Variants in OXNAD1 observed in about 807,000 individuals in gnomAD.
The protein encoded by OXNAD1 is oxidoreductase NAD-binding domain-containing protein 1.
A neutral mutation model predicts 32.9 loss-of-function variants in OXNAD1; 34 were observed. That is an observed-to-expected ratio of 1.03 (90% CI 0.79 to 1.38). The LOEUF (loss-of-function observed/expected upper bound fraction) is 1.38, where lower values mean the gene tolerates loss of function less well. Ranked by LOEUF, OXNAD1 falls within the 40% of genes most tolerant of loss-of-function variation. The pLI, the probability that OXNAD1 is intolerant of heterozygous loss-of-function variation, is 0.00. For missense variants in OXNAD1, 407 were observed against 379.4 expected (o/e 1.07, Z -0.60); for synonymous variants, 134 against 135.2 (o/e 0.99, Z 0.06).
At chr3:16,266,364 T>C (rs2064499885) in intron 1 of OXNAD1, among the ~76,000 whole-genome samples, 1 of 152,060 alleles carries the variant, frequency 6.6e-6, no homozygotes, top group African/African-American at 2.4e-5. Context: ...AAACTTTACA[T>C]TTATTCCTAA....
rs556998425 is a variant in OXNAD1, at chr3:16,344,842, T to C, written c.*31-4334T>C. On this transcript the variant is annotated intron_variant, in intron 9 of 9. Coordinates refer to the OXNAD1 transcript ENST00000606098. The surrounding 1 kb of genome is among the most constrained non-coding windows in gnomAD (Gnocchi z 4.4). ...ATTTCAAAGAACATATTTCAAGGAG[T>C]GGTAGTGAGTGAACACATAACTACA... 2.0e-5 allele frequency among the ~76,000 whole-genome samples: 3 copies of C among 152,032 alleles called. No homozygotes were observed. Among genetic ancestry groups the C allele is most frequent in the African/African-American group, 4.8e-5 (2 of 41,456 alleles).
chr3:16,302,773 CTA>C lies in OXNAD1; in HGVS notation c.784+27_784+28del. 6.5e-7 allele frequency: 1 copy of C among 1,536,198 alleles called. No homozygotes were observed. The highest frequency in any genetic ancestry group is 1.4e-5 in the African/African-American group (1 of 73,236). On this transcript the variant is annotated intron_variant, in intron 8 of 8. Transcript: ENST00000285083. This position sits in a 1 kb window ranked among gnomAD's most constrained non-coding sequence, Gnocchi z 4.2. Reference sequence around the variant, plus strand: ...GGTGAGTCCCCTAAAGATATTTTGACTATCTCCATGCAGTTATTTGATGGACA... The same window carrying C: ...GGTGAGTCCCCTAAAGATATTTTGACTCTCCATGCAGTTATTTGATGGACA...
At position 16,290,246 on chromosome 3, in the gene OXNAD1, C is replaced by T. The variant is rs1202607412; in HGVS notation, c.290+3798C>T. 6.6e-6 allele frequency among the ~76,000 whole-genome samples: 1 copy of T among 152,166 alleles called. No individual in the cohort carries two copies. Among genetic ancestry groups the T allele is most frequent in the Non-Finnish European group, 1.5e-5 (1 of 68,020 alleles). On this transcript the variant is annotated intron_variant, in intron 5 of 8. Transcript: ENST00000285083. This position sits in a 1 kb window ranked among gnomAD's most constrained non-coding sequence, Gnocchi z 4.2. ...AACTCATGGCTCCAAGAGTGCTCAT[C>T]CTGCAAAGGACATTTTTAAAGGTGT...
intron 9 of OXNAD1, among the ~76,000 whole-genome samples, chr3:16,333,833 T>C (rs756392027): frequency 1.3e-4 from 20 of 152,144 alleles, no homozygotes; most frequent in Non-Finnish European, 2.6e-4. Flanking sequence ...ACCCACTAAG[T>C]GCATGAGAGA....
At position 16,271,652 on chromosome 3, in the gene OXNAD1, A is replaced by G. The variant is rs922229497; in HGVS notation, c.120-7A>G. Reference sequence around the variant, plus strand: ...ATGTAATAACCTAATTTTACTTTCTATTAAAGCATAATGAAATCCAAAAGG... The same window carrying G: ...ATGTAATAACCTAATTTTACTTTCTGTTAAAGCATAATGAAATCCAAAAGG... On this transcript the variant is annotated splice_polypyrimidine_tract_variant and splice_region_variant and intron_variant, in intron 3 of 8. Coordinates refer to ENST00000285083, the MANE Select transcript of OXNAD1 (RefSeq NM_138381.5). This position sits in a 1 kb window ranked among gnomAD's most constrained non-coding sequence, Gnocchi z 4.6. 15 of 1,585,208 alleles carry G rather than the reference A, an allele frequency of 9.5e-6. No homozygotes were observed. The highest frequency in any genetic ancestry group is 1.9e-5 in the Admixed American group (1 of 51,832).
intron 9 of OXNAD1, among the ~76,000 whole-genome samples, chr3:16,325,537 A>G (rs2069604812): frequency 6.6e-6 from 1 of 152,224 alleles, no homozygotes; most frequent in African/African-American, 2.4e-5. Context: ...CACTTGACCA[A>G]CATGACACAG....
At chr3:16,275,683 ATTAACTACGGG>A (rs2065269322) in intron 4 of OXNAD1, 1 of 177,536 alleles carries the variant, frequency 5.6e-6, no homozygotes, top group Non-Finnish European at 1.3e-5. Flanking sequence ...ATATAAAAGA[ATTAACTACGGG>A]TTTAGAAAAA....
rs1468284562 is a variant in OXNAD1, at chr3:16,348,255, G to A, written c.*31-921G>A. On this transcript the variant is annotated intron_variant, in intron 9 of 9. Coordinates refer to the OXNAD1 transcript ENST00000606098. This position sits in a 1 kb window ranked among gnomAD's most constrained non-coding sequence, Gnocchi z 6.3. ...GGTAAAAAGGAAGCCGAGGCATCTA[G>A]ATCACTGACATTATCCATAATCAGA... Among the ~76,000 whole-genome samples the A allele has an allele frequency of 6.6e-6, 1 of 152,062 alleles. No individual in the cohort carries two copies. Among genetic ancestry groups the A allele is most frequent in the African/African-American group, 2.4e-5 (1 of 41,382 alleles).
Position 16,327,478 on chromosome 3 carries a change from G to A in OXNAD1, c.*31-9634G>A, listed in dbSNP as rs190222337. Among the ~76,000 whole-genome samples the A allele has an allele frequency of 6.9e-4, 105 of 152,286 alleles. 1 individual carries two copies. The highest frequency in any genetic ancestry group is 2.5e-4 in the Non-Finnish European group (17 of 68,026). On this transcript the variant is annotated intron_variant, in intron 9 of 9. Transcript: ENST00000435829. This position sits in a 1 kb window ranked among gnomAD's most constrained non-coding sequence, Gnocchi z 4.2. ...TCTTTCAGTTAAAAAACTCAGCCCC[G>A]GCCGGGTGCTGTGGCTCACGTCTGT...
Position 16,317,007 on chromosome 3 carries a change from G to A in OXNAD1, c.*30+13415G>A, listed in dbSNP as rs1458826598. ...CCACACAGCAGGCCACCAGGGGACA[G>A]CTGTTCTCCCTTGTCCTCTTGGACA... On this transcript the variant is annotated intron_variant, in intron 9 of 9. Coordinates refer to the OXNAD1 transcript ENST00000435829. The surrounding 1 kb of genome is among the most constrained non-coding windows in gnomAD (Gnocchi z 4.3). 1.2e-6 allele frequency: 2 copies of A among 1,614,024 alleles called. No individual in the cohort carries two copies. Among genetic ancestry groups the A allele is most frequent in the Non-Finnish European group, 8.5e-7 (1 of 1,180,018 alleles).
At chr3:16,324,735 C>T (rs1178619280) in intron 9 of OXNAD1, among the ~76,000 whole-genome samples, 1 of 143,572 alleles carries the variant, frequency 7.0e-6, no homozygotes, top group Non-Finnish European at 1.5e-5. Flanking sequence ...TGAGGGACAC[C>T]TAAGTTGTTT....
At chr3:16,341,033 G>T (rs1487042251), downstream of OXNAD1, among the ~76,000 whole-genome samples, 1 of 152,180 alleles carries the variant, frequency 6.6e-6, no homozygotes, top group Non-Finnish European at 1.5e-5. This position sits in a 1 kb window ranked among gnomAD's most constrained non-coding sequence, Gnocchi z 4.7. Flanking sequence ...AGATATGCAG[G>T]TAGCAAATAA....
In OXNAD1 at chr3:16,271,778, A is replaced by G; in HGVS notation, c.183+56A>G. ...CCAGCTAGACCGTTTACATGTGGTT[A>G]TGACTGGCTTATGGGTAAAGCATTA... On this transcript the variant is annotated intron_variant, in intron 4 of 8. Transcript: ENST00000285083. The surrounding 1 kb of genome is among the most constrained non-coding windows in gnomAD (Gnocchi z 4.6). The G allele has an allele frequency of 6.9e-7, 1 of 1,455,352 alleles. No individual in the cohort carries two copies. Among genetic ancestry groups the G allele is most frequent in the South Asian group, 1.2e-5 (1 of 80,948 alleles). The allele number at this position is 1,455,352 out of a possible 1,614,324, so 90.2% of individuals were successfully genotyped here. A position where few individuals can be genotyped will look rare whatever the true frequency, so the allele number is the denominator to read the frequency against.
chr3:16,310,637 G>A (rs187307581), downstream of OXNAD1, among the ~76,000 whole-genome samples: 1 of 152,036 alleles, frequency 6.6e-6, no homozygotes, highest in Non-Finnish European at 1.5e-5. Context: ...TGACAACCAG[G>A]GTGGTTCTCC....
chr3:16,335,402 T>G lies in OXNAD1; in HGVS notation c.*31-1710T>G, dbSNP rs2070748642. On this transcript the variant is annotated intron_variant, in intron 9 of 9. Transcript: ENST00000435829. This position sits in a 1 kb window ranked among gnomAD's most constrained non-coding sequence, Gnocchi z 4.7. ...TAAGAAGGGAGTTTGTACCACATTT[T>G]CTTTATCCAGTCCATAATGCTATGC... is the stretch of plus-strand genomic sequence containing the variant. 6.6e-6 allele frequency among the ~76,000 whole-genome samples: 1 copy of G among 152,232 alleles called. No homozygotes were observed. The highest frequency in any genetic ancestry group is 1.5e-5 in the Non-Finnish European group (1 of 68,030).
intron 9 of OXNAD1, among the ~76,000 whole-genome samples, chr3:16,325,049 T>C (rs1363880688): frequency 3.3e-5 from 5 of 152,210 alleles, no homozygotes; most frequent in African/African-American, 1.2e-4. Context: ...ATTTCTTAAA[T>C]CTGTTTTGTA....
chr3:16,295,471 C>T, intron 6 of OXNAD1, among the ~76,000 whole-genome samples: 1 of 152,118 alleles, frequency 6.6e-6, no homozygotes, highest in East Asian at 1.9e-4. Context: ...GTCTGGAAAG[C>T]TCTTCACTCG....
rs1344244744 is a variant in OXNAD1 at position 16,335,059 on chromosome 3, G to T, written c.*31-2053G>T. Among the ~76,000 whole-genome samples, 1 of 152,222 alleles carries T rather than the reference G, an allele frequency of 6.6e-6. No individual in the cohort carries two copies. Among genetic ancestry groups the T allele is most frequent in the African/African-American group, 2.4e-5 (1 of 41,450 alleles). On this transcript the variant is annotated intron_variant, in intron 9 of 9. Transcript: ENST00000435829. The surrounding 1 kb of genome is among the most constrained non-coding windows in gnomAD (Gnocchi z 4.7). ...AGAATGTGGTCCTGTCAACACCTTG[G>T]TTTTAGCCCCTTAATACTCATTTCA...
rs1041190173 is a variant in OXNAD1 at position 16,302,459 on chromosome 3, C to G, written c.676-181C>G. ...AGCATATTCAGATTTCAATTAAAGC[C>G]AAATAGCCCTCTGTAGTCTGAATGC... On this transcript the variant is annotated intron_variant, in intron 7 of 8. Transcript: ENST00000285083. This position sits in a 1 kb window ranked among gnomAD's most constrained non-coding sequence, Gnocchi z 4.2. Among the ~76,000 whole-genome samples, 3 of 152,118 alleles carry G rather than the reference C, an allele frequency of 2.0e-5. No individual in the cohort carries two copies. The highest frequency in any genetic ancestry group is 1.9e-4 in the East Asian group (1 of 5,196).
Sources: gnomAD v4.1 joint callset for allele counts (sites outside exome capture counted in the v4.1 genomes callset) on GRCh38, gnomAD v4.1.1 for gene constraint, Gnocchi (gnomAD v3.1) non-coding constraint, MANE v1.5 for transcripts, NCBI Gene and HGNC (gene_info 2026-07-23, HGNC 2026-07-21) for gene names.